GPR107: variants seen among roughly 807,000 people sequenced by gnomAD.
The protein encoded by GPR107 is G protein-coupled receptor 107.
In GPR107, 31 loss-of-function variants were observed where a neutral mutation model predicts 75.5. The ratio of observed to expected loss-of-function variants is 0.41; its 90% CI spans 0.31 to 0.55. GPR107 has a LOEUF of 0.55. GPR107 is among the 20% of genes least tolerant of loss of function. The pLI is 0.26. For synonymous variants in GPR107, 267 were observed against 251.3 expected, an observed-to-expected ratio of 1.06 and a Z score of -0.59; for missense variants, 572 against 665.7, an observed-to-expected ratio of 0.86 and a Z score of 1.55.
At chr9:130,054,914 A>T (rs1301749694) in intron 1 of GPR107, among the ~76,000 whole-genome samples, 1 of 152,028 alleles carries the variant, frequency 6.6e-6, no homozygotes, top group Non-Finnish European at 1.5e-5. Context: ...CCCCTCCCCA[A>T]ACCTGTCTCT....
chr9:130,093,858 C>A (rs564239731), intron 9 of GPR107, among the ~76,000 whole-genome samples: 10 of 152,210 alleles, frequency 6.6e-5, no homozygotes, highest in Admixed American at 6.5e-4. Context: ...CCCCTAGCCC[C>A]CAGGCTGGAG....
At chr9:130,064,693 G>A (rs1830027595) in intron 1 of GPR107, among the ~76,000 whole-genome samples, 1 of 152,126 alleles carries the variant, frequency 6.6e-6, no homozygotes, top group Admixed American at 6.5e-5. Flanking sequence ...TTGGAATAGT[G>A]TCTTTGCAGT....
intron 17 of GPR107, among the ~76,000 whole-genome samples, chr9:130,131,168 T>C (rs925278255): frequency 1.3e-5 from 2 of 152,200 alleles, no homozygotes; most frequent in African/African-American, 2.4e-5. Context: ...CACCGCCGTA[T>C]GTTCCTGCCA....
chr9:130,128,350 G>A (rs1388017276), intron 16 of GPR107, among the ~76,000 whole-genome samples: 3 of 152,200 alleles, frequency 2.0e-5, no homozygotes, highest in Non-Finnish European at 4.4e-5. Context: ...ACTGGGTGCT[G>A]TAGGCACTGT....
At chr9:130,127,709 T>G (rs1407148189) in intron 16 of GPR107, 143 bp downstream of exon 16, 1 of 595,188 alleles carries the variant, frequency 1.7e-6, no homozygotes. Context: ...AAAAATTTTT[T>G]TTTTAGTTTT....
At chr9:130,100,727 T>C (rs1448147319) in intron 11 of GPR107, 25 bp downstream of exon 11, 3 of 1,526,738 alleles carry the variant, frequency 2.0e-6, no homozygotes, top group Non-Finnish European at 2.7e-6. Flanking sequence ...CCATGTGAAA[T>C]ACACCATGAA....
At position 130,075,679 on chromosome 9, in the gene GPR107, T is replaced by C; in HGVS notation, c.185T>C (p.Phe62Ser). The change falls in exon 2 of 18, where the codon TTC becomes TCC. Residue 62 changes from phenylalanine to serine, a missense_variant. Phe to Ser is a radical substitution (Grantham distance 155, BLOSUM62 -2). Transcript: ENST00000347136. ...GTTCATCTGAACACCTTTGGCTTCTTCAAGGATGGGTACATGGTGGTGAAT... is the reference window on the plus strand; with the variant it reads ...GTTCATCTGAACACCTTTGGCTTCTCCAAGGATGGGTACATGGTGGTGAAT... ...HKVHLNTFGF[F>S]KDGYMVVNVS... The C allele has an allele frequency of 6.2e-7, 1 of 1,609,898 alleles. No homozygotes were observed. Among genetic ancestry groups the C allele is most frequent in the Non-Finnish European group, 8.5e-7 (1 of 1,176,120 alleles).
intron 1 of GPR107, among the ~76,000 whole-genome samples, chr9:130,072,644 CT>C (rs1355914097): frequency 6.6e-6 from 1 of 151,902 alleles, no homozygotes; most frequent in African/African-American, 2.4e-5. Context: ...CTTCAAAAAC[CT>C]GTTTTTCATG....
At position 130,127,560 on chromosome 9, in the gene GPR107, C is replaced by G; in HGVS notation, c.1434C>G (p.Leu478=). The change falls in exon 16 of 18, where the codon CTC becomes CTG. Residue 478 remains leucine (L), a synonymous_variant. Transcript: ENST00000347136. Reference sequence around the variant, plus strand: ...CTGTTCCATTCCAGTGGAAGTGGCTCTACCAGGTACGCTGCTCACAGGGCA... The same window carrying G: ...CTGTTCCATTCCAGTGGAAGTGGCTGTACCAGGTACGCTGCTCACAGGGCA... ...KLAVPFQWKW[L]YQLLDETATL... 6.4e-7 allele frequency: 1 copy of G among 1,562,594 alleles called. No individual in the cohort carries two copies. Among genetic ancestry groups the G allele is most frequent in the Non-Finnish European group, 8.8e-7 (1 of 1,132,934 alleles).
intron 5 of GPR107, among the ~76,000 whole-genome samples, chr9:130,082,813 C>T (rs1055504931): frequency 2.0e-5 from 3 of 151,928 alleles, no homozygotes; most frequent in African/African-American, 7.3e-5. Flanking sequence ...AAGATAGATG[C>T]CCACTCTGTT....
intron 9 of GPR107, among the ~76,000 whole-genome samples, chr9:130,096,757 C>T (rs1488959355): frequency 6.6e-6 from 1 of 152,140 alleles, no homozygotes; most frequent in Non-Finnish European, 1.5e-5. Context: ...TGCGTCTGGC[C>T]TGATTTTTGG....
intron 17 of GPR107, chr9:130,129,520 G>A (rs1387323936): frequency 3.3e-5 from 5 of 152,250 alleles, no homozygotes; most frequent in African/African-American, 4.8e-5. Context: ...GGCTGTCAGC[G>A]GGTCAGGCAG....
chr9:130,118,705 T>G (rs1364553429), intron 14 of GPR107, among the ~76,000 whole-genome samples: 3 of 152,038 alleles, frequency 2.0e-5, no homozygotes, highest in Non-Finnish European at 4.4e-5. Context: ...AGCATCTTCA[T>G]AGCCGGGCCT....
intron 1 of GPR107, among the ~76,000 whole-genome samples, chr9:130,062,406 C>A (rs867832599): frequency 4.6e-5 from 6 of 131,712 alleles, no homozygotes; most frequent in African/African-American, 1.4e-4. Flanking sequence ...AGAGCAAGAC[C>A]CTGTCTCGAA....
chr9:130,093,811 A>G (rs761926133), intron 9 of GPR107, among the ~76,000 whole-genome samples: 26 of 146,468 alleles, frequency 1.8e-4, no homozygotes, highest in Non-Finnish European at 3.5e-4. Flanking sequence ...CAAGACCCCC[A>G]TTTCTTTTTT....
Position 130,128,716 on chromosome 9 carries a change from A to C in GPR107, c.1517A>C (p.Tyr506Ser). The C allele has an allele frequency of 6.2e-7, 1 of 1,611,956 alleles. No individual in the cohort carries two copies. Among genetic ancestry groups the C allele is most frequent in the South Asian group, 1.1e-5 (1 of 91,040 alleles). Residue 506 changes from tyrosine (Y) to serine (S), a missense_variant, in exon 17 of 18, where the codon TAC becomes TCC. Coordinates refer to ENST00000347136, the MANE Select transcript of GPR107 (RefSeq NM_020960.5). ...TTCCGTCCGGCTTCAGATAACCCCTACCTACAACTTTCTCAGGAAGAAGAA... is the reference window on the plus strand; with the variant it reads ...TTCCGTCCGGCTTCAGATAACCCCTCCCTACAACTTTCTCAGGAAGAAGAA... The part of the protein sequence containing the change: ...YKFRPASDNP[Y>S]LQLSQEEEDL...
intron 14 of GPR107, among the ~76,000 whole-genome samples, chr9:130,110,775 G>A (rs941536228): frequency 2.0e-5 from 3 of 152,164 alleles, no homozygotes; most frequent in African/African-American, 7.2e-5. Context: ...GCGGGAAAGC[G>A]GGAGTGGGCA....
intron 1 of GPR107, among the ~76,000 whole-genome samples, chr9:130,055,683 A>G (rs564122685): frequency 6.6e-6 from 1 of 151,142 alleles, no homozygotes; most frequent in African/African-American, 2.4e-5. Context: ...GGTGGCTCAC[A>G]CCTATAATCC....
At chr9:130,099,569 A>T in intron 10 of GPR107, 37 bp downstream of exon 10, 1 of 1,161,364 alleles carries the variant, frequency 8.6e-7, no homozygotes, top group Non-Finnish European at 1.3e-6. Context: ...TCATGAAATT[A>T]CGTATAATGC....
Sources: gnomAD v4.1 joint callset for allele counts (sites outside exome capture counted in the v4.1 genomes callset) on GRCh38, gnomAD v4.1.1 for gene constraint, MANE v1.5 for transcripts, NCBI Gene and HGNC (gene_info 2026-07-23, HGNC 2026-07-21) for gene names.